Variants in NAALADL2 observed in about 807,000 individuals in gnomAD.
NAALADL2 encodes the protein N-acetylated alpha-linked acidic dipeptidase like 2, also known as inactive N-acetylated-alpha-linked acidic dipeptidase-like protein 2.
In NAALADL2, 76 loss-of-function variants were observed where a neutral mutation model predicts 87.2. The ratio of observed to expected loss-of-function variants is 0.87; its 90% CI spans 0.72 to 1.05. NAALADL2 has a LOEUF of 1.05. NAALADL2 is among the 50% of genes least tolerant of loss of function. The pLI is 0.00. For missense variants in NAALADL2, 1,089 were observed against 945.8 expected (o/e 1.15, Z -1.99); for synonymous variants, 354 against 331.0 (o/e 1.07, Z -0.75).
intron 2 of NAALADL2, among the ~76,000 whole-genome samples, chr3:175,191,568 A>C (rs9832253): frequency 6.6e-6 from 1 of 152,254 alleles, no homozygotes; most frequent in Admixed American, 6.5e-5. Flanking sequence ...CACCCCCTGA[A>C]TGATATATTT....
At chr3:175,781,797 G>C (rs1576807385) in intron 13 of NAALADL2, among the ~76,000 whole-genome samples, 1 of 151,700 alleles carries the variant, frequency 6.6e-6, no homozygotes, top group African/African-American at 2.4e-5. Context: ...TGCCATGCTG[G>C]TGTGCTGCAC....
chr3:174,652,426 T>C (rs1724460588), intron 2 of NAALADL2, among the ~76,000 whole-genome samples: 1 of 152,178 alleles, frequency 6.6e-6, no homozygotes, highest in Admixed American at 6.5e-5. Context: ...GGAAAGGGGT[T>C]TAATCGATTC....
At chr3:175,182,550 GTTTTTTTTTTTTT>G (rs1161831796) in intron 2 of NAALADL2, among the ~76,000 whole-genome samples, 1 of 69,440 alleles carries the variant, frequency 1.4e-5, no homozygotes. Context: ...ACCACAGCCA[GTTTTTTTTTTTTT>G]TTTTTTTTTT....
At chr3:175,474,945 A>G (rs1352196905) in intron 9 of NAALADL2, among the ~76,000 whole-genome samples, 1 of 151,900 alleles carries the variant, frequency 6.6e-6, no homozygotes, top group Non-Finnish European at 1.5e-5. Context: ...AACATGGTGA[A>G]CTTACTTTAA....
intron 13 of NAALADL2, among the ~76,000 whole-genome samples, chr3:175,802,354 T>C (rs1315840590): frequency 2.6e-5 from 4 of 151,852 alleles, no homozygotes; most frequent in Non-Finnish European, 5.9e-5. Flanking sequence ...TGCTCTGTTA[T>C]GGATATTTTG....
In NAALADL2 at chr3:175,436,320, T is replaced by C. The variant is rs1205385719; in HGVS notation, c.1091-10909T>C. On this transcript the variant is annotated intron_variant, in intron 5 of 13. Coordinates refer to ENST00000454872, the MANE Select transcript of NAALADL2 (RefSeq NM_207015.3). ...ATGCCGCAATAAACATACGTGTGCATGCGTCTTTATAGCAGCATGATTTAT... is the reference window on the plus strand; with the variant it reads ...ATGCCGCAATAAACATACGTGTGCACGCGTCTTTATAGCAGCATGATTTAT... Among the ~76,000 whole-genome samples, 16 of 149,568 alleles carry C rather than the reference T, an allele frequency of 1.1e-4. No individual in the cohort carries two copies. In the Admixed American group the frequency reaches 1.1e-3, roughly 10 times the overall value.
At chr3:174,554,571 A>C (rs1278556519) in intron 2 of NAALADL2, among the ~76,000 whole-genome samples, 1 of 151,950 alleles carries the variant, frequency 6.6e-6, no homozygotes, top group African/African-American at 2.4e-5. Context: ...TTTTAAAAAA[A>C]ATCTATGAAG....
chr3:174,703,166 G>A (rs536941193), intron 2 of NAALADL2, among the ~76,000 whole-genome samples: 1 of 152,056 alleles, frequency 6.6e-6, no homozygotes, highest in Non-Finnish European at 1.5e-5. Context: ...TAGAGACAGG[G>A]TCTCACTTTG....
chr3:175,368,893 A>G (rs1469200735), intron 5 of NAALADL2, among the ~76,000 whole-genome samples: 2 of 152,082 alleles, frequency 1.3e-5, no homozygotes, highest in Non-Finnish European at 2.9e-5. Flanking sequence ...GCGAAATATG[A>G]TATAAAAGAT....
chr3:174,755,116 A>T (rs1711863088), intron 3 of NAALADL2, among the ~76,000 whole-genome samples: 1 of 152,142 alleles, frequency 6.6e-6, no homozygotes, highest in African/African-American at 2.4e-5. Flanking sequence ...CTGTTCTCGT[A>T]ATAGTGAGTG....
intron 9 of NAALADL2, among the ~76,000 whole-genome samples, chr3:175,554,573 G>T (rs1477755739): frequency 1.3e-5 from 2 of 151,820 alleles, no homozygotes; most frequent in African/African-American, 4.8e-5. Context: ...TCTTCTGGTG[G>T]GTTACATGGG....
intron 11 of NAALADL2, among the ~76,000 whole-genome samples, chr3:175,667,245 GAA>G (rs1242433524): frequency 8.2e-6 from 1 of 122,408 alleles, no homozygotes; most frequent in Non-Finnish European, 1.7e-5. Flanking sequence ...GAAAGAAAAA[GAA>G]AGAAAGAAAG....
chr3:174,603,148 C>A (rs1485130215), intron 2 of NAALADL2, among the ~76,000 whole-genome samples: 4 of 151,924 alleles, frequency 2.6e-5, no homozygotes, highest in African/African-American at 9.7e-5. Flanking sequence ...GAAGAATTTT[C>A]TTTTCCTGTA....
At chr3:175,201,968 T>A (rs1025561191) in intron 2 of NAALADL2, among the ~76,000 whole-genome samples, 2 of 152,216 alleles carry the variant, frequency 1.3e-5, no homozygotes, top group Non-Finnish European at 1.5e-5. Flanking sequence ...ATCACTTACA[T>A]GGTACTATCA....
intron 1 of NAALADL2, among the ~76,000 whole-genome samples, chr3:175,029,012 A>C (rs1047209457): frequency 3.9e-4 from 58 of 148,108 alleles, no homozygotes; most frequent in Admixed American, 6.2e-4. Context: ...CAGTCTCTCC[A>C]TGAAAAATTA....
At chr3:174,889,747 C>A (rs1016522674) in intron 1 of NAALADL2, among the ~76,000 whole-genome samples, 3 of 151,940 alleles carry the variant, frequency 2.0e-5, no homozygotes, top group African/African-American at 7.3e-5. Context: ...TATTTTAATT[C>A]TTTTTCTGAT....
At chr3:174,799,663 T>C (rs1294556510) in intron 3 of NAALADL2, among the ~76,000 whole-genome samples, 1 of 152,088 alleles carries the variant, frequency 6.6e-6, no homozygotes, top group African/African-American at 2.4e-5. Context: ...CTACCAGAAG[T>C]GGAGTGCCGC....
At chr3:174,848,510 G>C (rs1035573173) in intron 3 of NAALADL2, among the ~76,000 whole-genome samples, 2 of 152,102 alleles carry the variant, frequency 1.3e-5, no homozygotes, top group African/African-American at 4.8e-5. Context: ...TGCCATATAA[G>C]TTTCTTAAAA....
At chr3:174,882,528 CAT>C (rs1254863747) in intron 1 of NAALADL2, among the ~76,000 whole-genome samples, 40 of 143,360 alleles carry the variant, frequency 2.8e-4, no homozygotes, top group African/African-American at 9.7e-4. Context: ...TGCATATACA[CAT>C]ATATGCATAC....
Sources: gnomAD v4.1 joint callset for allele counts (sites outside exome capture counted in the v4.1 genomes callset) on GRCh38, gnomAD v4.1.1 for gene constraint, MANE v1.5 for transcripts, NCBI Gene and HGNC (gene_info 2026-07-23, HGNC 2026-07-21) for gene names.